Variants in INPP4B observed in about 807,000 individuals in gnomAD.
INPP4B encodes the protein inositol polyphosphate-4-phosphatase type II B.
Under a neutral mutation model 122.5 loss-of-function variants are expected in INPP4B, and 55 were observed. That is an observed-to-expected ratio of 0.45 (90% CI 0.36 to 0.56). The LOEUF is 0.56. Among genes scored for constraint, INPP4B ranks in the 20% least tolerant of loss-of-function variants. The pLI is 0.00. For missense variants in INPP4B, 1,000 were observed against 1,097.7 expected, an observed-to-expected ratio of 0.91 and a Z score of 1.26; for synonymous variants, 403 against 388.7, an observed-to-expected ratio of 1.04 and a Z score of -0.43.
At chr4:142,578,715 G>A (rs558362550) in intron 2 of INPP4B, among the ~76,000 whole-genome samples, 1 of 151,790 alleles carries the variant, frequency 6.6e-6, no homozygotes, top group Non-Finnish European at 1.5e-5. Context: ...AAGGTACTGG[G>A]GGTTAGGGAT....
rs1342267665 is a variant in INPP4B at position 142,085,356 on chromosome 4, G to A, written c.2487+788C>T. Among the ~76,000 whole-genome samples, 4 of 152,186 alleles carry A rather than the reference G, an allele frequency of 2.6e-5. No homozygotes were observed. In the South Asian group the frequency reaches 8.3e-4, roughly 31 times the overall value. Reference sequence around the variant, plus strand: ...GGTTAACCTGAGCTCCAAATTATAAGAGTAACACTGCAGAAACTGCAAACA... The same window carrying A: ...GGTTAACCTGAGCTCCAAATTATAAAAGTAACACTGCAGAAACTGCAAACA... On this transcript the variant is annotated intron_variant, in intron 24 of 25. Transcript: ENST00000262992.
In INPP4B at chr4:142,026,842, TA is replaced by T. The variant is rs1737162316; in HGVS notation, c.*1939del. 1 of 152,206 alleles carries T rather than the reference TA, an allele frequency of 6.6e-6. No homozygotes were observed. Among genetic ancestry groups the T allele is most frequent in the Admixed American group, 6.5e-5 (1 of 15,268 alleles). 9.4% of individuals were successfully genotyped at this position (152,206 alleles called of 1,614,324 possible). On this transcript the variant is annotated 3_prime_UTR_variant, in exon 26 of 26. Coordinates refer to ENST00000262992, the MANE Select transcript of INPP4B (RefSeq NM_001101669.3). ...AGTAGTTTGTTTTCAAAAATACAAATAAAAATTATTGCTTATAAGAGTATTT... is the reference window on the plus strand; with the variant it reads ...AGTAGTTTGTTTTCAAAAATACAAATAAAATTATTGCTTATAAGAGTATTT...
chr4:142,138,797 G>A (rs922803581), intron 18 of INPP4B, among the ~76,000 whole-genome samples: 3 of 152,178 alleles, frequency 2.0e-5, no homozygotes, highest in African/African-American at 7.2e-5. Context: ...AGTGTACTAA[G>A]TGTCAGCTAT....
At chr4:142,717,748 G>A (rs779405555) in intron 2 of INPP4B, among the ~76,000 whole-genome samples, 4 of 151,878 alleles carry the variant, frequency 2.6e-5, no homozygotes, top group Non-Finnish European at 4.4e-5. Flanking sequence ...CGTGGGGTGG[G>A]GAATTGGGGG....
intron 2 of INPP4B, among the ~76,000 whole-genome samples, chr4:142,536,098 T>C (rs1171426153): frequency 6.6e-6 from 1 of 152,210 alleles, no homozygotes. Flanking sequence ...AGAGGTCTCA[T>C]CACTATATAA....
chr4:142,671,896 C>T (rs1757055484), intron 2 of INPP4B, among the ~76,000 whole-genome samples: 1 of 152,060 alleles, frequency 6.6e-6, no homozygotes, highest in African/African-American at 2.4e-5. Flanking sequence ...CAAAATATTG[C>T]CTCATGCTCC....
intron 12 of INPP4B, among the ~76,000 whole-genome samples, chr4:142,211,085 G>A (rs1435213862): frequency 3.3e-5 from 5 of 152,210 alleles, no homozygotes; most frequent in East Asian, 1.9e-4. Flanking sequence ...AAAAAGGTAC[G>A]CATTCTGAAA....
intron 17 of INPP4B, among the ~76,000 whole-genome samples, chr4:142,155,993 T>C (rs1056356216): frequency 2.0e-5 from 3 of 147,602 alleles, no homozygotes; most frequent in Admixed American, 2.0e-4. Context: ...TTTAACATAA[T>C]ATGAAATAGC....
chr4:142,687,009 A>C (rs1759440758), intron 2 of INPP4B, among the ~76,000 whole-genome samples: 1 of 152,048 alleles, frequency 6.6e-6, no homozygotes, highest in South Asian at 2.1e-4. Context: ...AAACAGTGAT[A>C]ATTTCAGGAG....
At chr4:142,105,761 T>C (rs895775825) in intron 23 of INPP4B, among the ~76,000 whole-genome samples, 1 of 152,180 alleles carries the variant, frequency 6.6e-6, no homozygotes, top group Non-Finnish European at 1.5e-5. Flanking sequence ...GACAGCAATA[T>C]GTTTAAGAAA....
chr4:142,407,873 T>G (rs1803766972), intron 5 of INPP4B, among the ~76,000 whole-genome samples: 1 of 152,158 alleles, frequency 6.6e-6, no homozygotes, highest in Non-Finnish European at 1.5e-5. Flanking sequence ...TTGGGCCTTT[T>G]TATAAATGGA....
intron 23 of INPP4B, among the ~76,000 whole-genome samples, chr4:142,097,339 CCCACTTA>C (rs1782388443): frequency 6.6e-6 from 1 of 151,636 alleles, no homozygotes; most frequent in Admixed American, 6.6e-5. Flanking sequence ...ACTGCAACCT[CCCACTTA>C]CTGGTTCAAG....
intron 7 of INPP4B, among the ~76,000 whole-genome samples, chr4:142,378,110 T>C (rs547862058): frequency 6.6e-6 from 1 of 152,278 alleles, no homozygotes; most frequent in South Asian, 2.1e-4. Context: ...TTATTTTCCT[T>C]CCAGTAGTCG....
intron 3 of INPP4B, among the ~76,000 whole-genome samples, chr4:142,437,816 A>T (rs957716723): frequency 2.0e-5 from 3 of 152,186 alleles, no homozygotes; most frequent in African/African-American, 7.2e-5. Flanking sequence ...CCCTCCCAAG[A>T]TTAAACTAGG....
At chr4:142,387,254 T>G (rs1439650601) in intron 7 of INPP4B, among the ~76,000 whole-genome samples, 1 of 152,156 alleles carries the variant, frequency 6.6e-6, no homozygotes, top group Non-Finnish European at 1.5e-5. Context: ...TCATTTTTCT[T>G]GCATGCTTAG....
Position 142,365,960 on chromosome 4 carries a change from T to G in INPP4B, c.372+36978A>C, listed in dbSNP as rs1473920414. Among the ~76,000 whole-genome samples the G allele has an allele frequency of 2.0e-5, 3 of 152,052 alleles. No individual in the cohort carries two copies. The East Asian group carries it at 5.8e-4, about 29-fold the overall frequency. On this transcript the variant is annotated intron_variant, in intron 7 of 25. Coordinates refer to ENST00000262992, the MANE Select transcript of INPP4B (RefSeq NM_001101669.3). ...TGGTAAAGTGTTGGGGCAGCAACAA[T>G]TTTTGGGGGTGGTATCATATCTCCT...
intron 1 of INPP4B, among the ~76,000 whole-genome samples, chr4:142,740,821 G>T (rs989452140): frequency 6.6e-6 from 1 of 151,994 alleles, no homozygotes; most frequent in Non-Finnish European, 1.5e-5. Context: ...TTTGGACTTT[G>T]TTTTCTACAG....
At chr4:142,107,934 G>T (rs1787976933) in intron 23 of INPP4B, among the ~76,000 whole-genome samples, 159 bp downstream of exon 23, 1 of 152,158 alleles carries the variant, frequency 6.6e-6, no homozygotes, top group African/African-American at 2.4e-5. Flanking sequence ...TGTTGGCCAT[G>T]CTACCTTGGC....
chr4:142,032,980 G>A (rs1463840320), intron 25 of INPP4B, among the ~76,000 whole-genome samples: 2 of 151,218 alleles, frequency 1.3e-5, no homozygotes, highest in Non-Finnish European at 2.9e-5. Context: ...TTAATGCATG[G>A]TAAAGAAAAA....
Sources: allele counts gnomAD v4.1 joint callset (sites outside exome capture counted in the v4.1 genomes callset), GRCh38; gene constraint gnomAD v4.1.1; transcripts MANE v1.5; gene names NCBI Gene and HGNC (gene_info 2026-07-23, HGNC 2026-07-21).